The following NRXN3 variants were observed in gnomAD, a reference collection of about 807,000 sequenced individuals.
NRXN3 encodes the protein neurexin 3, also known as neurexin III.
NRXN3 carries 32 observed loss-of-function variants against 137.6 expected under a neutral mutation model. The ratio of observed to expected loss-of-function variants is 0.23; its 90% CI spans 0.18 to 0.31. The LOEUF (loss-of-function observed/expected upper bound fraction) is 0.31, where lower values mean the gene tolerates loss of function less well. NRXN3 is among the 10% of genes least tolerant of loss of function. NRXN3 has a pLI of 1.00. For missense variants in NRXN3, 1,574 were observed against 2,062.5 expected (o/e 0.76, Z 4.59); for synonymous variants, 798 against 784.5 (o/e 1.02, Z -0.29).
chr14:79,530,050 T>C (rs1332542302), intron 16 of NRXN3, among the ~76,000 whole-genome samples: 9 of 152,306 alleles, frequency 5.9e-5, no homozygotes, highest in South Asian at 4.1e-4. Context: ...GGAGGAAATA[T>C]CTGGAAATAC....
intron 16 of NRXN3, among the ~76,000 whole-genome samples, chr14:79,497,639 G>T (rs2096780132): frequency 1.3e-5 from 2 of 152,092 alleles, no homozygotes; most frequent in South Asian, 2.1e-4. Context: ...GCTCCCAGGG[G>T]TTAGTGACTT....
intron 15 of NRXN3, among the ~76,000 whole-genome samples, chr14:79,054,034 A>G (rs1448063426): frequency 7.0e-6 from 1 of 142,634 alleles, no homozygotes; most frequent in Non-Finnish European, 1.5e-5. Context: ...GCTGGAAACC[A>G]TCATTCTCAG....
At chr14:79,377,576 A>G (rs2094341365) in intron 15 of NRXN3, among the ~76,000 whole-genome samples, 1 of 149,398 alleles carries the variant, frequency 6.7e-6, no homozygotes, top group Admixed American at 6.7e-5. Flanking sequence ...CAACATAGCG[A>G]AACTCTGTCT....
chr14:78,672,348 G>A (rs2097945107), intron 6 of NRXN3, among the ~76,000 whole-genome samples: 1 of 152,156 alleles, frequency 6.6e-6, no homozygotes, highest in Non-Finnish European at 1.5e-5. Flanking sequence ...GCTATTTGAG[G>A]ACCAACTGTA....
At chr14:78,270,955 A>G (rs1272397333) in intron 2 of NRXN3, among the ~76,000 whole-genome samples, 5 of 152,188 alleles carry the variant, frequency 3.3e-5, no homozygotes, top group Admixed American at 2.0e-4. Context: ...GGAACACTCA[A>G]AGTGCACACA....
chr14:78,943,268 A>G (rs1300542878), intron 10 of NRXN3, among the ~76,000 whole-genome samples: 2 of 152,090 alleles, frequency 1.3e-5, no homozygotes, highest in Non-Finnish European at 2.9e-5. Context: ...CTGAAGCCTA[A>G]TGGTGATGAA....
At chr14:79,435,788 T>C (rs1220585679) in intron 15 of NRXN3, among the ~76,000 whole-genome samples, 2 of 151,952 alleles carry the variant, frequency 1.3e-5, no homozygotes, top group African/African-American at 4.8e-5. Flanking sequence ...GCATGGACCA[T>C]CACACTTGGC....
At chr14:78,496,289 A>G (rs2095784248) in intron 4 of NRXN3, among the ~76,000 whole-genome samples, 1 of 152,232 alleles carries the variant, frequency 6.6e-6, no homozygotes, top group Non-Finnish European at 1.5e-5. Context: ...AGGTCAGCCT[A>G]CAAAATTTCT....
Position 78,965,811 on chromosome 14 carries a change from G to A in NRXN3, c.2396-214G>A, listed in dbSNP as rs370921722. On this transcript the variant is annotated intron_variant, in intron 11 of 20. Transcript: ENST00000335750. Reference sequence around the variant, plus strand: ...CATATTTCCCCTTATATGATGAGCCGTGCTGAGCAGCTGCGTGACAGCATG... The same window carrying A: ...CATATTTCCCCTTATATGATGAGCCATGCTGAGCAGCTGCGTGACAGCATG... Among the ~76,000 whole-genome samples the A allele has an allele frequency of 5.9e-5, 9 of 152,218 alleles. No homozygotes were observed. In the East Asian group the frequency reaches 1.4e-3, roughly 23 times the overall value.
At chr14:78,598,805 G>A (rs1052231512) in intron 4 of NRXN3, among the ~76,000 whole-genome samples, 7 of 152,136 alleles carry the variant, frequency 4.6e-5, no homozygotes, top group Admixed American at 2.6e-4. Context: ...TCTGGGACGC[G>A]GGGTCTTTGC....
At chr14:78,415,889 C>A (rs976305200) in intron 4 of NRXN3, among the ~76,000 whole-genome samples, 2 of 151,932 alleles carry the variant, frequency 1.3e-5, no homozygotes, top group Admixed American at 1.3e-4. Flanking sequence ...CCCAACTATG[C>A]CGGCACACTG....
chr14:78,560,992 A>G (rs753403968), intron 4 of NRXN3, among the ~76,000 whole-genome samples: 2 of 152,202 alleles, frequency 1.3e-5, no homozygotes, highest in African/African-American at 4.8e-5. Flanking sequence ...AGACTTGATT[A>G]TGCTGCAGTA....
intron 15 of NRXN3, among the ~76,000 whole-genome samples, chr14:79,044,359 T>C (rs1399150298): frequency 6.6e-6 from 1 of 152,194 alleles, no homozygotes; most frequent in Non-Finnish European, 1.5e-5. Flanking sequence ...TGAGTTAAAG[T>C]TCCCTGAGTT....
chr14:79,320,653 T>C (rs758237911), intron 15 of NRXN3, among the ~76,000 whole-genome samples: 1 of 152,064 alleles, frequency 6.6e-6, no homozygotes, highest in Non-Finnish European at 1.5e-5. Context: ...CCCCATTCTA[T>C]CAGAGAAAAG....
At chr14:79,621,493 T>A (rs1055245872) in intron 16 of NRXN3, among the ~76,000 whole-genome samples, 3 of 152,238 alleles carry the variant, frequency 2.0e-5, no homozygotes, top group Non-Finnish European at 4.4e-5. Flanking sequence ...ACATATTACA[T>A]GTTATTCTTA....
At chr14:78,624,493 G>C (rs907275373) in intron 4 of NRXN3, among the ~76,000 whole-genome samples, 1 of 152,192 alleles carries the variant, frequency 6.6e-6, no homozygotes, top group South Asian at 2.1e-4. Flanking sequence ...AGAGGGGGGC[G>C]GTATGCCCAC....
chr14:79,736,082 T>C (rs1448910539), intron 19 of NRXN3, among the ~76,000 whole-genome samples: 3 of 152,184 alleles, frequency 2.0e-5, no homozygotes, highest in Non-Finnish European at 2.9e-5. Context: ...TCTCAACATC[T>C]TTGCCTCCCA....
chr14:79,223,270 A>G (rs1220987651), intron 15 of NRXN3, among the ~76,000 whole-genome samples: 1 of 152,152 alleles, frequency 6.6e-6, no homozygotes, highest in Non-Finnish European at 1.5e-5. Flanking sequence ...GTTTGTCAGA[A>G]GTATGCCTTG....
At chr14:78,462,514 C>T (rs1234129110) in intron 4 of NRXN3, among the ~76,000 whole-genome samples, 1 of 152,098 alleles carries the variant, frequency 6.6e-6, no homozygotes, top group Non-Finnish European at 1.5e-5. Flanking sequence ...TCTCTCTTCC[C>T]CTGTCTTAGA....
Sources: allele counts gnomAD v4.1 joint callset (sites outside exome capture counted in the v4.1 genomes callset), GRCh38; gene constraint gnomAD v4.1.1; transcripts MANE v1.5; gene names NCBI Gene and HGNC (gene_info 2026-07-23, HGNC 2026-07-21).